The following VSTM4 variants were observed in gnomAD, a reference collection of about 807,000 sequenced individuals.
The protein encoded by VSTM4 is V-set and transmembrane domain containing 4, also known as V-set and transmembrane domain-containing protein 4.
VSTM4 carries 20 observed loss-of-function variants against 36.4 expected under a neutral mutation model. The observed-to-expected ratio is 0.55, with a 90% CI of 0.39 to 0.80. The LOEUF (loss-of-function observed/expected upper bound fraction) is 0.80, where lower values mean the gene tolerates loss of function less well. Ranked by LOEUF, VSTM4 falls within the 30% of genes least tolerant of loss-of-function variation. VSTM4 has a pLI of 0.00. For missense variants in VSTM4, 392 were observed against 404.5 expected, an observed-to-expected ratio of 0.97 and a Z score of 0.26; for synonymous variants, 182 against 173.9, an observed-to-expected ratio of 1.05 and a Z score of -0.37.
At chr10:49,109,519 G>A (rs1006592328) in intron 1 of VSTM4, among the ~76,000 whole-genome samples, 10 of 152,096 alleles carry the variant, frequency 6.6e-5, no homozygotes, top group Admixed American at 3.3e-4. Flanking sequence ...TCATCTCTCA[G>A]AAGACAAGCA....
intron 3 of VSTM4, among the ~76,000 whole-genome samples, chr10:49,085,335 G>T (rs1844351479): frequency 6.6e-6 from 1 of 152,224 alleles, no homozygotes; most frequent in Non-Finnish European, 1.5e-5. Flanking sequence ...CTAGAGATGT[G>T]GTCCAGGCAT....
At chr10:49,082,134 G>A (rs916054929) in intron 3 of VSTM4, among the ~76,000 whole-genome samples, 1 of 152,140 alleles carries the variant, frequency 6.6e-6, no homozygotes, top group African/African-American at 2.4e-5. Flanking sequence ...AAGCCCTGCC[G>A]CACTCAGTTC....
chr10:49,049,036 G>A (rs544791673), intron 5 of VSTM4, among the ~76,000 whole-genome samples: 15 of 152,284 alleles, frequency 9.9e-5, no homozygotes, highest in African/African-American at 3.6e-4. Flanking sequence ...ACACCTCTGT[G>A]GTTCATAATC....
intron 1 of VSTM4, among the ~76,000 whole-genome samples, chr10:49,110,376 G>A (rs1205644150): frequency 6.6e-6 from 1 of 152,152 alleles, no homozygotes; most frequent in Non-Finnish European, 1.5e-5. Context: ...CAGGGTCAGG[G>A]GATCCCAGGA....
chr10:49,114,588 T>TTG (rs34990548), intron 1 of VSTM4, among the ~76,000 whole-genome samples: 1 of 120,826 alleles, frequency 8.3e-6, no homozygotes, highest in Non-Finnish European at 1.7e-5. Context: ...AGTTCATGTT[T>TTG]TTTTTTTTTA....
At chr10:49,049,441 C>T (rs1271741331) in intron 5 of VSTM4, among the ~76,000 whole-genome samples, 1 of 152,084 alleles carries the variant, frequency 6.6e-6, no homozygotes, top group Non-Finnish European at 1.5e-5. Flanking sequence ...GGCTGGAGTT[C>T]GCAAACTTTC....
intron 7 of VSTM4, among the ~76,000 whole-genome samples, chr10:49,045,524 C>G (rs1165990702): frequency 6.6e-6 from 1 of 152,146 alleles, no homozygotes; most frequent in East Asian, 1.9e-4. Context: ...AAGATATTTG[C>G]AAGCCTTAAC....
chr10:49,088,030 T>C (rs1428819762), intron 2 of VSTM4, among the ~76,000 whole-genome samples: 1 of 148,820 alleles, frequency 6.7e-6, no homozygotes, highest in East Asian at 1.9e-4. Context: ...TACATATATA[T>C]GTAATTATAT....
chr10:49,069,523 A>G (rs566156244), intron 4 of VSTM4, among the ~76,000 whole-genome samples: 1 of 152,264 alleles, frequency 6.6e-6, no homozygotes, highest in Non-Finnish European at 1.5e-5. Context: ...CACCTCCCTC[A>G]TTCAGGGCTC....
At chr10:49,034,766 C>T (rs975166271) in intron 7 of VSTM4, among the ~76,000 whole-genome samples, 5 of 151,836 alleles carry the variant, frequency 3.3e-5, no homozygotes, top group African/African-American at 9.7e-5. Flanking sequence ...TCCAAAATGG[C>T]ACTTTATTTC....
intron 2 of VSTM4, among the ~76,000 whole-genome samples, chr10:49,105,330 G>GAGAGA (rs61337231): frequency 1.3e-5 from 1 of 79,544 alleles, no homozygotes; most frequent in African/African-American, 6.7e-5. Flanking sequence ...AGAGAGAGAC[G>GAGAGA]GGGGGGGGAG....
chr10:49,110,053 T>A (rs1245025694), intron 1 of VSTM4, among the ~76,000 whole-genome samples: 1 of 151,984 alleles, frequency 6.6e-6, no homozygotes, highest in Non-Finnish European at 1.5e-5. Context: ...GCTGCTGGGG[T>A]TGGGCAGCCA....
rs1481299218 is a variant in VSTM4 at position 49,064,705 on chromosome 10, G to A, written c.666C>T (p.Asn222=). ...AAAAAGGAAGAAAATATTCTTACCT[G>A]TTCTGAGGGCATTTCACCAAATAAT... ...VRHYLVKCPQ[N]SSGETVTSVT... The change falls in exon 5 of 8, where the codon AAC becomes AAT. Residue 222 remains asparagine, a splice_region_variant and synonymous_variant. Transcript: ENST00000332853. The A allele has an allele frequency of 7.4e-6, 12 of 1,612,378 alleles. No individual in the cohort carries two copies. In the East Asian group the frequency reaches 2.7e-4, roughly 36 times the overall value.
At chr10:49,099,407 C>G (rs191181722) in intron 2 of VSTM4, among the ~76,000 whole-genome samples, 87 of 152,312 alleles carry the variant, frequency 5.7e-4, no homozygotes, top group African/African-American at 2.0e-3. Context: ...GCTCTGGAAT[C>G]ATTTTTATCA....
chr10:49,070,706 C>G (rs1405690282), intron 4 of VSTM4, among the ~76,000 whole-genome samples: 1 of 152,228 alleles, frequency 6.6e-6, no homozygotes, highest in Non-Finnish European at 1.5e-5. Context: ...GAGCTTGAAT[C>G]TAGGCTCCAA....
intron 7 of VSTM4, among the ~76,000 whole-genome samples, chr10:49,025,800 G>T (rs1381980780): frequency 6.6e-6 from 1 of 152,242 alleles, no homozygotes; most frequent in Non-Finnish European, 1.5e-5. Context: ...ACCCGGGGCC[G>T]AGACAGATCC....
chr10:49,093,784 G>C (rs35621290), intron 2 of VSTM4, among the ~76,000 whole-genome samples: 13,526 of 125,620 alleles, frequency 0.11, 864 homozygotes, highest in Admixed American at 0.25. Context: ...GTCTTGCTTC[G>C]TCGCCCAGGC....
At chr10:49,055,845 T>C (rs1487640454) in intron 5 of VSTM4, among the ~76,000 whole-genome samples, 1 of 152,236 alleles carries the variant, frequency 6.6e-6, no homozygotes, top group African/African-American at 2.4e-5. Flanking sequence ...AGTAAGTGCC[T>C]ACAGGGAGTC....
At chr10:49,075,393 G>A (rs906469853) in intron 4 of VSTM4, among the ~76,000 whole-genome samples, 1 of 152,364 alleles carries the variant, frequency 6.6e-6, no homozygotes. Flanking sequence ...AGGCAGGTGG[G>A]AAATAAACCC....
Sources: gnomAD v4.1 joint callset for allele counts (sites outside exome capture counted in the v4.1 genomes callset) on GRCh38, gnomAD v4.1.1 for gene constraint, MANE v1.5 for transcripts, NCBI Gene and HGNC (gene_info 2026-07-23, HGNC 2026-07-21) for gene names.